FRY: variants seen among roughly 807,000 people sequenced by gnomAD.
FRY encodes the protein protein furry homolog.
A neutral mutation model predicts 348.4 loss-of-function variants in FRY; 128 were observed. The ratio of observed to expected loss-of-function variants is 0.37; its 90% CI spans 0.32 to 0.43. FRY has a LOEUF of 0.43. FRY is among the 20% of genes least tolerant of loss of function. FRY has a pLI of 1.00. For missense variants in FRY, 2,736 were observed against 3,695.2 expected, an observed-to-expected ratio of 0.74 and a Z score of 6.73; for synonymous variants, 1,370 against 1,374.7, an observed-to-expected ratio of 1.00 and a Z score of 0.08.
At chr13:32,125,674 T>C (rs1177813040) in intron 7 of FRY, among the ~76,000 whole-genome samples, 1 of 152,194 alleles carries the variant, frequency 6.6e-6, no homozygotes, top group African/African-American at 2.4e-5. Flanking sequence ...AATTACACAA[T>C]TTATCAAAAA....
At chr13:32,149,912 T>C in intron 14 of FRY, 78 bp downstream of exon 14, 1 of 855,560 alleles carries the variant, frequency 1.2e-6, no homozygotes, top group Non-Finnish European at 2.0e-6. Flanking sequence ...CTTTGGAGAA[T>C]GGGATGAGGG....
At position 32,142,889 on chromosome 13, in the gene FRY, G is replaced by A. The variant is rs116138669; in HGVS notation, c.1180-4393G>A. Among the ~76,000 whole-genome samples the A allele has an allele frequency of 6.8e-3, 1,040 of 152,298 alleles. 15 individuals are homozygous for A. The highest frequency in any genetic ancestry group is 0.023 in the African/African-American group (969 of 41,550). On this transcript the variant is annotated intron_variant, in intron 11 of 60. Transcript: ENST00000542859. ...TCTGGTAGGAAACATTCAAGTAAAG[G>A]ATGTCTGTTTCCTAGAAAACAGAGA...
intron 58 of FRY, among the ~76,000 whole-genome samples, chr13:32,286,800 T>A (rs1262819268): frequency 7.2e-6 from 1 of 139,324 alleles, no homozygotes; most frequent in African/African-American, 2.7e-5. Flanking sequence ...TAGCTGCTGT[T>A]GAACATGGCC....
chr13:32,148,772 C>G (rs550626710), intron 13 of FRY, among the ~76,000 whole-genome samples: 1 of 152,260 alleles, frequency 6.6e-6, no homozygotes, highest in East Asian at 1.9e-4. Context: ...TGTTGAAGTA[C>G]AGTTGATACT....
At chr13:32,262,552 T>A in intron 53 of FRY, 77 bp downstream of exon 53, 1 of 1,082,822 alleles carries the variant, frequency 9.2e-7, no homozygotes, top group South Asian at 1.2e-5. Flanking sequence ...TTTCTGAGAA[T>A]TCTTAAGGGG....
intron 58 of FRY, among the ~76,000 whole-genome samples, chr13:32,282,460 C>T (rs74044972): frequency 9.2e-5 from 14 of 152,254 alleles, no homozygotes; most frequent in African/African-American, 3.1e-4. Flanking sequence ...AGTGCTTACC[C>T]GACTAAACCT....
intron 28 of FRY, among the ~76,000 whole-genome samples, chr13:32,190,494 AATT>A (rs1334544202): frequency 1.3e-5 from 2 of 152,150 alleles, no homozygotes; most frequent in Non-Finnish European, 2.9e-5. Context: ...ATTAAAAATC[AATT>A]ATATTTCAGT....
chr13:32,193,482 A>G (rs1478044175), intron 28 of FRY, among the ~76,000 whole-genome samples: 1 of 152,072 alleles, frequency 6.6e-6, no homozygotes, highest in African/African-American at 2.4e-5. Flanking sequence ...CAATACTCTG[A>G]GCTAATACAT....
At chr13:32,148,205 A>T (rs1339403558) in intron 13 of FRY, among the ~76,000 whole-genome samples, 2 of 152,240 alleles carry the variant, frequency 1.3e-5, no homozygotes, top group Non-Finnish European at 2.9e-5. Context: ...CTGAGTCACA[A>T]AGTCTGTGAA....
intron 51 of FRY, among the ~76,000 whole-genome samples, chr13:32,255,782 A>C (rs545349219): frequency 1.6e-4 from 24 of 152,348 alleles, no homozygotes; most frequent in Non-Finnish European, 2.4e-4. Flanking sequence ...ATACTTTCAA[A>C]AATGTCTCTG....
At chr13:32,056,159 C>A (rs1873611259) in intron 1 of FRY, among the ~76,000 whole-genome samples, 1 of 150,038 alleles carries the variant, frequency 6.7e-6, no homozygotes, top group Non-Finnish European at 1.5e-5. Context: ...TCACTGCACT[C>A]CAGCCTGGTG....
At chr13:32,037,612 A>G (rs1362731793) in intron 1 of FRY, among the ~76,000 whole-genome samples, 1 of 152,234 alleles carries the variant, frequency 6.6e-6, no homozygotes, top group Non-Finnish European at 1.5e-5. Context: ...AGCAAACAGC[A>G]GTAGGCAAGA....
intron 17 of FRY, among the ~76,000 whole-genome samples, chr13:32,164,681 A>G (rs1457431687): frequency 6.6e-6 from 1 of 152,140 alleles, no homozygotes; most frequent in Non-Finnish European, 1.5e-5. Flanking sequence ...CCCTCCTGAC[A>G]TTGTGGTGAG....
chr13:32,131,658 T>C lies in FRY; in HGVS notation c.717-14T>C, dbSNP rs528452395. On this transcript the variant is annotated splice_polypyrimidine_tract_variant and intron_variant, in intron 7 of 60. Coordinates refer to ENST00000542859, the MANE Select transcript of FRY (RefSeq NM_023037.3). ...TACCCAATATTTGATAAACCACTTA[T>C]GTTATCTTCTTAGATTCCCTGCTGT... The C allele has an allele frequency of 7.5e-6, 12 of 1,606,980 alleles. No individual in the cohort carries two copies. The highest frequency in any genetic ancestry group is 2.0e-4 in the Middle Eastern group (1 of 5,128).
At chr13:32,249,239 A>G (rs1403766053) in intron 48 of FRY, among the ~76,000 whole-genome samples, 1 of 151,994 alleles carries the variant, frequency 6.6e-6, no homozygotes, top group African/African-American at 2.4e-5. Context: ...AAAACTGACT[A>G]TTTGGTTTCC....
chr13:32,217,927 C>G (rs1365307597), intron 35 of FRY, among the ~76,000 whole-genome samples: 1 of 152,274 alleles, frequency 6.6e-6, no homozygotes, highest in East Asian at 1.9e-4. Context: ...ACCAGAGAGT[C>G]TTTCTGGTGA....
At chr13:32,243,456 T>C (rs1886617595) in intron 46 of FRY, among the ~76,000 whole-genome samples, 1 of 152,236 alleles carries the variant, frequency 6.6e-6, no homozygotes, top group Non-Finnish European at 1.5e-5. Context: ...ATAATTACTG[T>C]GTCAAAAGAT....
In FRY at chr13:32,194,309, T is replaced by A. The variant is rs747190857; in HGVS notation, c.3746+12T>A. 6.2e-6 allele frequency: 10 copies of A among 1,613,444 alleles called. No homozygotes were observed. The highest frequency in any genetic ancestry group is 8.5e-6 in the Non-Finnish European group (10 of 1,179,422). On this transcript the variant is annotated intron_variant, in intron 29 of 60. Transcript: ENST00000542859. The stretch of plus-strand genomic sequence containing the variant: ...GTGTGTGGAAGCAGGTACGAATTTT[T>A]ATAAGCAGTGATGAGTGGCAAGTAT...
At chr13:32,110,199 G>T (rs993132754) in intron 3 of FRY, among the ~76,000 whole-genome samples, 3 of 152,180 alleles carry the variant, frequency 2.0e-5, no homozygotes, top group African/African-American at 7.2e-5. Context: ...ATGATTGGTA[G>T]CACCTAAATA....
Sources: allele counts gnomAD v4.1 joint callset (sites outside exome capture counted in the v4.1 genomes callset), GRCh38; gene constraint gnomAD v4.1.1; transcripts MANE v1.5; gene names NCBI Gene and HGNC (gene_info 2026-07-23, HGNC 2026-07-21).